EPHA6: variants seen among roughly 807,000 people sequenced by gnomAD.
EPHA6 encodes EPH receptor A6.
Under a neutral mutation model 112.0 loss-of-function variants are expected in EPHA6, and 50 were observed. That is an observed-to-expected ratio of 0.45 (90% CI 0.36 to 0.56). The LOEUF (loss-of-function observed/expected upper bound fraction) is 0.56. EPHA6 is among the 20% of genes least tolerant of loss of function. EPHA6 has a pLI of 0.00. For synonymous variants in EPHA6, 529 were observed against 490.7 expected (o/e 1.08, Z -1.03); for missense variants, 1,280 against 1,417.4 (o/e 0.90, Z 1.56).
chr3:97,605,694 T>C (rs1394400620), intron 12 of EPHA6, among the ~76,000 whole-genome samples: 3 of 151,776 alleles, frequency 2.0e-5, no homozygotes, highest in Non-Finnish European at 4.4e-5. Flanking sequence ...TACCTCCAGC[T>C]TTGTTCTCTT....
In EPHA6 at chr3:97,736,048, A is replaced by T. The variant is rs763975171; in HGVS notation, c.3058A>T (p.Ile1020Phe). Reference sequence around the variant, plus strand: ...AAATCACAGACCAAAATTTACTGACATTGTCAGCTTCCTTGACAAACTGAT... The same window carrying T: ...AAATCACAGACCAAAATTTACTGACTTTGTCAGCTTCCTTGACAAACTGAT... The part of the protein sequence containing the change: ...ERNHRPKFTD[I>F]VSFLDKLIRN... The change falls in exon 16 of 18, where the codon ATT (isoleucine) becomes TTT (phenylalanine). Residue 1020 changes from isoleucine (I) to phenylalanine (F), a missense_variant. Ile to Phe is a conservative substitution (Grantham distance 21). Coordinates refer to ENST00000389672, the MANE Select transcript of EPHA6 (RefSeq NM_001080448.3). The T allele has an allele frequency of 6.2e-7, 1 of 1,612,636 alleles. No individual in the cohort carries two copies.
chr3:97,140,462 T>C (rs1347549987), intron 3 of EPHA6, among the ~76,000 whole-genome samples: 7 of 152,028 alleles, frequency 4.6e-5, no homozygotes, highest in Non-Finnish European at 7.4e-5. Flanking sequence ...ATAATAGATA[T>C]CCCATCAGAT....
chr3:97,640,831 G>C (rs1011764136), intron 14 of EPHA6, among the ~76,000 whole-genome samples: 9 of 151,690 alleles, frequency 5.9e-5, no homozygotes, highest in African/African-American at 9.7e-5. Context: ...AGGAAGGAGA[G>C]TTTGAAGGAC....
chr3:97,110,509 C>T (rs1056547979), intron 3 of EPHA6, among the ~76,000 whole-genome samples: 1 of 151,414 alleles, frequency 6.6e-6, no homozygotes, highest in Non-Finnish European at 1.5e-5. Flanking sequence ...AGTATAACTC[C>T]TTCATTTTAT....
chr3:97,071,858 TA>T (rs1223783048), intron 3 of EPHA6, among the ~76,000 whole-genome samples: 4 of 152,096 alleles, frequency 2.6e-5, no homozygotes, highest in Non-Finnish European at 5.9e-5. Flanking sequence ...TTTAGTCTTT[TA>T]TTCCTCACCC....
chr3:97,257,917 G>T (rs1489144706), intron 5 of EPHA6, among the ~76,000 whole-genome samples: 3 of 152,082 alleles, frequency 2.0e-5, no homozygotes, highest in East Asian at 3.9e-4. Flanking sequence ...GACAATTGAT[G>T]TACACACATG....
chr3:97,081,024 G>T (rs1209055464), intron 3 of EPHA6, among the ~76,000 whole-genome samples: 1 of 151,818 alleles, frequency 6.6e-6, no homozygotes, highest in East Asian at 1.9e-4. Flanking sequence ...TTTATGAAAT[G>T]TGGAGGTGAC....
At chr3:97,039,190 C>T (rs1047287873) in intron 3 of EPHA6, among the ~76,000 whole-genome samples, 2 of 151,856 alleles carry the variant, frequency 1.3e-5, no homozygotes, top group African/African-American at 4.8e-5. Context: ...GCCTAAGACT[C>T]AACATATAAG....
intron 7 of EPHA6, among the ~76,000 whole-genome samples, chr3:97,469,535 T>C (rs1181244317): frequency 6.6e-6 from 1 of 151,682 alleles, no homozygotes; most frequent in East Asian, 1.9e-4. Flanking sequence ...TGATTTCAAA[T>C]ACATGTGATA....
At chr3:97,078,157 T>C (rs1053966215) in intron 3 of EPHA6, among the ~76,000 whole-genome samples, 1 of 152,220 alleles carries the variant, frequency 6.6e-6, no homozygotes, top group Non-Finnish European at 1.5e-5. Flanking sequence ...ATGATGAGCA[T>C]TTTTTCACAT....
In EPHA6 at chr3:97,419,564, G is replaced by A. The variant is rs368592073; in HGVS notation, c.1731+14290G>A. ...CGCTTGAACCTGGGAGGCGGAGGTT[G>A]CAGTGAGGTGAGATCTTGCCACTAC... On this transcript the variant is annotated intron_variant, in intron 6 of 17. Coordinates refer to ENST00000389672, the MANE Select transcript of EPHA6 (RefSeq NM_001080448.3). 6.6e-4 allele frequency among the ~76,000 whole-genome samples: 100 copies of A among 152,156 alleles called. 1 individual carries two copies. In the East Asian group the frequency reaches 0.018, roughly 27 times the overall value.
chr3:97,305,952 A>G (rs947589798), intron 5 of EPHA6, among the ~76,000 whole-genome samples: 2 of 151,942 alleles, frequency 1.3e-5, no homozygotes, highest in South Asian at 2.1e-4. Context: ...TTTAAATTGT[A>G]CATAAGCCAA....
intron 11 of EPHA6, among the ~76,000 whole-genome samples, chr3:97,548,683 A>G (rs954909820): frequency 6.6e-6 from 1 of 152,196 alleles, no homozygotes; most frequent in Non-Finnish European, 1.5e-5. Context: ...TGCATGTGAA[A>G]TTCATCCATA....
intron 11 of EPHA6, 127 bp from the exon 12 acceptor site, chr3:97,592,485 C>A: frequency 1.9e-6 from 2 of 1,074,866 alleles, no homozygotes; most frequent in Non-Finnish European, 2.7e-6. Context: ...GCATTCCATC[C>A]CTTTAATTTT....
intron 5 of EPHA6, among the ~76,000 whole-genome samples, chr3:97,339,215 G>C (rs1232014395): frequency 1.3e-5 from 2 of 152,144 alleles, no homozygotes; most frequent in African/African-American, 4.8e-5. Context: ...GAGATAGAGG[G>C]TGCAATTATA....
chr3:97,085,255 A>G (rs1293291830), intron 3 of EPHA6, among the ~76,000 whole-genome samples: 2 of 152,176 alleles, frequency 1.3e-5, no homozygotes, highest in Non-Finnish European at 2.9e-5. Context: ...ACCTTTAAAC[A>G]TCATTTCATG....
In EPHA6 at chr3:97,481,207, G is replaced by T. The variant is rs1456577213; in HGVS notation, c.2074+1843G>T. The stretch of plus-strand genomic sequence containing the variant: ...AATTTCCTCATGAAGTACTGGAAAA[G>T]ACAACCTTTTTCTCCATTACTATTT... On this transcript the variant is annotated intron_variant, in intron 9 of 17. Transcript: ENST00000389672. 9.9e-6 allele frequency: 12 copies of T among 1,213,902 alleles called. No individual in the cohort carries two copies. In the East Asian group the frequency reaches 2.9e-4, roughly 30 times the overall value. 75.2% of individuals were successfully genotyped at this position (1,213,902 alleles called of 1,614,324 possible). A position where few individuals can be genotyped will look rare whatever the true frequency, so the allele number is the denominator to read the frequency against.
intron 6 of EPHA6, among the ~76,000 whole-genome samples, chr3:97,440,268 A>G (rs1373168766): frequency 6.6e-6 from 1 of 152,122 alleles, no homozygotes; most frequent in Non-Finnish European, 1.5e-5. Context: ...TTCCTTGGAC[A>G]GTTTTAATCT....
intron 15 of EPHA6, among the ~76,000 whole-genome samples, chr3:97,733,603 G>T (rs937274850): frequency 6.6e-6 from 1 of 151,936 alleles, no homozygotes; most frequent in Non-Finnish European, 1.5e-5. Context: ...AGAAAATTTA[G>T]AAGTATAATT....
Sources: allele counts gnomAD v4.1 joint callset (sites outside exome capture counted in the v4.1 genomes callset), GRCh38; gene constraint gnomAD v4.1.1; transcripts MANE v1.5; gene names NCBI Gene and HGNC (gene_info 2026-07-23, HGNC 2026-07-21).